ADGRG7: variants seen among roughly 807,000 people sequenced by gnomAD.
ADGRG7 encodes adhesion G protein-coupled receptor G7.
A neutral mutation model predicts 88.6 loss-of-function variants in ADGRG7; 82 were observed. That is an observed-to-expected ratio of 0.93 (90% CI 0.77 to 1.11). ADGRG7 has a LOEUF of 1.11. ADGRG7 is among the 50% of genes most tolerant of loss of function. ADGRG7 has a pLI of 0.00. For missense variants in ADGRG7, 945 were observed against 953.4 expected (o/e 0.99, Z 0.12); for synonymous variants, 381 against 345.2 (o/e 1.10, Z -1.15).
chr3:100,624,878 C>T (rs1307380870), intron 1 of ADGRG7, among the ~76,000 whole-genome samples: 2 of 152,100 alleles, frequency 1.3e-5, no homozygotes, highest in Admixed American at 6.5e-5. Context: ...GGTCTCTGTT[C>T]TGTTCCATTG....
chr3:100,616,894 G>A (rs994340750), intron 1 of ADGRG7, among the ~76,000 whole-genome samples: 1 of 152,024 alleles, frequency 6.6e-6, no homozygotes, highest in African/African-American at 2.4e-5. Context: ...GGAAAAGAAA[G>A]CTAGGAAACT....
chr3:100,635,877 G>A (rs1273499059), intron 5 of ADGRG7, 51 bp downstream of exon 5: 14 of 1,368,694 alleles, frequency 1.0e-5, no homozygotes, highest in South Asian at 2.6e-5. Context: ...TTTAGAGGGG[G>A]TGTTGGGAAA....
chr3:100,631,631 C>A (rs2149017604), intron 3 of ADGRG7, among the ~76,000 whole-genome samples: 1 of 152,252 alleles, frequency 6.6e-6, no homozygotes, highest in South Asian at 2.1e-4. Flanking sequence ...AATTCTAGAT[C>A]ATTGACAAAG....
At chr3:100,676,466 C>G (rs1333116565) in intron 15 of ADGRG7, among the ~76,000 whole-genome samples, 1 of 151,996 alleles carries the variant, frequency 6.6e-6, no homozygotes, top group Non-Finnish European at 1.5e-5. Flanking sequence ...AGAGAAGATA[C>G]TTGATATAAT....
chr3:100,665,230 T>C, intron 14 of ADGRG7: 2 of 540,336 alleles, frequency 3.7e-6, no homozygotes, highest in South Asian at 1.4e-5. Context: ...ACGGAGGATA[T>C]GGAACTCTCC....
At chr3:100,677,201 A>G (rs1400689321) in intron 15 of ADGRG7, among the ~76,000 whole-genome samples, 1 of 152,052 alleles carries the variant, frequency 6.6e-6, no homozygotes, top group Non-Finnish European at 1.5e-5. Flanking sequence ...CTCTGGTGAC[A>G]TGTTTTAACT....
intron 1 of ADGRG7, among the ~76,000 whole-genome samples, chr3:100,614,460 C>T (rs1020283629): frequency 9.2e-5 from 14 of 151,970 alleles, no homozygotes; most frequent in Admixed American, 2.0e-4. Flanking sequence ...TAGTTAATAC[C>T]GGACAAAGTT....
At chr3:100,640,116 A>G (rs768990281) in intron 6 of ADGRG7, among the ~76,000 whole-genome samples, 4 of 152,126 alleles carry the variant, frequency 2.6e-5, no homozygotes, top group Admixed American at 6.5e-5. Flanking sequence ...CAGGTCAACA[A>G]CCCTTTAGCT....
chr3:100,675,055 T>C (rs1384864691), intron 15 of ADGRG7, among the ~76,000 whole-genome samples: 1 of 152,202 alleles, frequency 6.6e-6, no homozygotes, highest in Non-Finnish European at 1.5e-5. Flanking sequence ...GATAATTTGA[T>C]TTCTTCCTTT....
At chr3:100,654,651 T>G (rs1418401260) in intron 11 of ADGRG7, 184 bp from the exon 12 acceptor site, 2 of 516,416 alleles carry the variant, frequency 3.9e-6, no homozygotes, top group African/African-American at 3.9e-5. Flanking sequence ...GTGGAAATGA[T>G]AAGAGGAAAG....
chr3:100,644,949 A>G (rs1445542547), intron 8 of ADGRG7, among the ~76,000 whole-genome samples: 2 of 152,210 alleles, frequency 1.3e-5, no homozygotes, highest in Admixed American at 1.3e-4. Context: ...TGAACAAAAG[A>G]CAGCAACCCA....
intron 14 of ADGRG7, among the ~76,000 whole-genome samples, chr3:100,664,561 C>T (rs2094949501): frequency 6.6e-6 from 1 of 152,150 alleles, no homozygotes; most frequent in South Asian, 2.1e-4. Context: ...ACTTGTAATG[C>T]AGGTTACACT....
chr3:100,661,607 G>T (rs1244958153), intron 14 of ADGRG7, among the ~76,000 whole-genome samples: 1 of 152,084 alleles, frequency 6.6e-6, no homozygotes, highest in Admixed American at 6.6e-5. Flanking sequence ...CAAGCCTCCT[G>T]AATGAGATTA....
rs1487787727 is a variant in ADGRG7 at position 100,609,934 on chromosome 3, A to T, written c.78A>T (p.Gly26=). 1 of 1,613,600 alleles carries T rather than the reference A, an allele frequency of 6.2e-7. No homozygotes were observed. The highest frequency in any genetic ancestry group is 1.7e-5 in the Admixed American group (1 of 59,974). The part of the protein sequence containing the change: ...VCGLLTGIIL[G]LGIWRIVIRI... ...GACTACTGACTGGCATCATTTTGGG[A>T]CTGGGCATCTGGAGGATTGTGATCA... Residue 26 remains glycine, a synonymous_variant, in exon 1 of 16, where the codon GGA becomes GGT. Coordinates refer to ENST00000273352, the MANE Select transcript of ADGRG7 (RefSeq NM_032787.3).
At chr3:100,650,637 G>C (rs1042015711) in intron 11 of ADGRG7, among the ~76,000 whole-genome samples, 2 of 152,164 alleles carry the variant, frequency 1.3e-5, no homozygotes, top group African/African-American at 4.8e-5. Context: ...ACAACAAGAA[G>C]TGCGTATCAG....
chr3:100,650,275 A>T (rs1559679895), intron 11 of ADGRG7, among the ~76,000 whole-genome samples: 1 of 152,368 alleles, frequency 6.6e-6, no homozygotes, highest in East Asian at 1.9e-4. Context: ...TCTAATTTTA[A>T]ATAATGACCT....
At chr3:100,614,760 C>T (rs988832531) in intron 1 of ADGRG7, among the ~76,000 whole-genome samples, 1 of 151,980 alleles carries the variant, frequency 6.6e-6, no homozygotes, top group Non-Finnish European at 1.5e-5. Flanking sequence ...CTAATTTTGT[C>T]TAGGAGAAGA....
intron 15 of ADGRG7, among the ~76,000 whole-genome samples, chr3:100,673,678 C>G (rs1047507088): frequency 1.3e-5 from 2 of 151,956 alleles, no homozygotes; most frequent in African/African-American, 4.8e-5. Flanking sequence ...AGGCTGGTCC[C>G]AAACTCCTGA....
At chr3:100,637,597 A>G (rs1707567436) in intron 6 of ADGRG7, 195 bp downstream of exon 6, 2 of 521,926 alleles carry the variant, frequency 3.8e-6, no homozygotes, top group South Asian at 4.8e-5. Flanking sequence ...TACCTCCTGC[A>G]TCCAGGGGTG....
Sources: gnomAD v4.1 joint callset for allele counts (sites outside exome capture counted in the v4.1 genomes callset) on GRCh38, gnomAD v4.1.1 for gene constraint, MANE v1.5 for transcripts, NCBI Gene and HGNC (gene_info 2026-07-23, HGNC 2026-07-21) for gene names.